Variants in PPP1R9A observed in about 807,000 individuals in gnomAD.
The protein encoded by PPP1R9A is protein phosphatase 1 regulatory subunit 9A.
PPP1R9A carries 59 observed loss-of-function variants against 141.9 expected under a neutral mutation model. The observed-to-expected ratio is 0.42, with a 90% CI of 0.34 to 0.52. The LOEUF is 0.52. Among genes scored for constraint, PPP1R9A ranks in the 20% least tolerant of loss-of-function variants. PPP1R9A has a pLI of 0.10. For synonymous variants in PPP1R9A, 500 were observed against 569.7 expected, an observed-to-expected ratio of 0.88 and a Z score of 1.74; for missense variants, 1,444 against 1,611.9, an observed-to-expected ratio of 0.90 and a Z score of 1.78.
intron 12 of PPP1R9A, among the ~76,000 whole-genome samples, chr7:95,263,255 A>C (rs1800706719): frequency 6.6e-6 from 1 of 152,228 alleles, no homozygotes; most frequent in African/African-American, 2.4e-5. Flanking sequence ...TTAACTACGC[A>C]AGTAATACAT....
In PPP1R9A at chr7:95,069,009, G is replaced by A. The variant is rs559446015; in HGVS notation, c.1396-42250G>A. Among the ~76,000 whole-genome samples, 9 of 152,190 alleles carry A rather than the reference G, an allele frequency of 5.9e-5. No homozygotes were observed. In the East Asian group the frequency reaches 1.2e-3, roughly 20 times the overall value. On this transcript the variant is annotated intron_variant, in intron 2 of 19. Coordinates refer to ENST00000433360, the MANE Select transcript of PPP1R9A (RefSeq NM_001166160.2). Reference sequence around the variant, plus strand: ...TAGTATTTGCATATAACCCACACACGTCCTCCTGTCTACTTTAAACCATCT... The same window carrying A: ...TAGTATTTGCATATAACCCACACACATCCTCCTGTCTACTTTAAACCATCT...
chr7:95,228,599 T>C (rs1051750952), intron 8 of PPP1R9A, among the ~76,000 whole-genome samples: 1 of 152,216 alleles, frequency 6.6e-6, no homozygotes, highest in East Asian at 1.9e-4. Flanking sequence ...ACGTCAATAT[T>C]GATGAGCTAA....
intron 4 of PPP1R9A, among the ~76,000 whole-genome samples, chr7:95,137,676 G>C (rs903057451): frequency 6.6e-6 from 1 of 152,078 alleles, no homozygotes; most frequent in African/African-American, 2.4e-5. Context: ...TCAAACTCTA[G>C]CAGGTTTTTT....
At chr7:95,000,903 A>T (rs1280808961) in intron 2 of PPP1R9A, among the ~76,000 whole-genome samples, 1 of 152,214 alleles carries the variant, frequency 6.6e-6, no homozygotes, top group African/African-American at 2.4e-5. Context: ...AAAGAGAATG[A>T]AAAGGAAATC....
intron 2 of PPP1R9A, among the ~76,000 whole-genome samples, chr7:94,950,726 G>A (rs1344358388): frequency 6.6e-6 from 1 of 151,996 alleles, no homozygotes; most frequent in African/African-American, 2.4e-5. Flanking sequence ...TTTTGTCCAT[G>A]AATTAAAAGG....
At chr7:95,148,055 C>T (rs1036460111) in intron 4 of PPP1R9A, among the ~76,000 whole-genome samples, 21 of 151,850 alleles carry the variant, frequency 1.4e-4, no homozygotes, top group African/African-American at 3.4e-4. Context: ...GTAAAAGCAG[C>T]GCTTTGAGGG....
intron 2 of PPP1R9A, among the ~76,000 whole-genome samples, chr7:95,011,042 C>T (rs1004668118): frequency 6.6e-6 from 1 of 152,086 alleles, no homozygotes; most frequent in Non-Finnish European, 1.5e-5. Flanking sequence ...TACATTTGGC[C>T]TAAGTTTAAG....
In PPP1R9A at chr7:95,066,269, A is replaced by G. The variant is rs79526596; in HGVS notation, c.1396-44990A>G. ...AGGAGAGAGGCCTCAGAAGAAACCT[A>G]CCCTGCCAACACCTTGATCTTGCAT... On this transcript the variant is annotated intron_variant, in intron 2 of 19. Transcript: ENST00000433360. 1.5e-4 allele frequency among the ~76,000 whole-genome samples: 23 copies of G among 152,238 alleles called. No individual in the cohort carries two copies. The East Asian group carries it at 4.4e-3, about 29-fold the overall frequency.
chr7:94,999,241 G>A (rs1379819143), intron 2 of PPP1R9A, among the ~76,000 whole-genome samples: 1 of 152,194 alleles, frequency 6.6e-6, no homozygotes, highest in Non-Finnish European at 1.5e-5. Flanking sequence ...CTTTCACTGT[G>A]TTACTTGGCA....
intron 7 of PPP1R9A, among the ~76,000 whole-genome samples, chr7:95,207,859 C>A (rs901504644): frequency 6.6e-6 from 1 of 152,054 alleles, no homozygotes; most frequent in South Asian, 2.1e-4. Context: ...TTATAAGTTA[C>A]CATTTACAAG....
intron 2 of PPP1R9A, among the ~76,000 whole-genome samples, chr7:95,033,380 T>C (rs1368115409): frequency 6.6e-6 from 1 of 152,062 alleles, no homozygotes; most frequent in Non-Finnish European, 1.5e-5. Flanking sequence ...AGCTATCTTT[T>C]CTTATCAGTT....
At chr7:95,253,525 C>T (rs1441193078) in intron 12 of PPP1R9A, among the ~76,000 whole-genome samples, 1 of 150,308 alleles carries the variant, frequency 6.7e-6, no homozygotes, top group Non-Finnish European at 1.5e-5. Flanking sequence ...AATAGTGCCT[C>T]TTAGGCAGCT....
intron 4 of PPP1R9A, among the ~76,000 whole-genome samples, chr7:95,141,152 G>A (rs1305479135): frequency 6.6e-6 from 1 of 152,044 alleles, no homozygotes; most frequent in Non-Finnish European, 1.5e-5. Flanking sequence ...AGTCAGATAA[G>A]GGACAGATAA....
chr7:94,981,719 CT>C (rs1380284878), intron 2 of PPP1R9A, among the ~76,000 whole-genome samples: 3 of 152,012 alleles, frequency 2.0e-5, no homozygotes, highest in Non-Finnish European at 4.4e-5. Context: ...TATTTCTTGT[CT>C]TTTCACACTA....
At position 95,083,893 on chromosome 7, in the gene PPP1R9A, A is replaced by G. The variant is rs114326347; in HGVS notation, c.1396-27366A>G. ...GAACCCAACCACAAGAAAAATGAAA[A>G]CTACACCAAGTTGCAATCATAATCA... On this transcript the variant is annotated intron_variant, in intron 2 of 19. Coordinates refer to ENST00000433360, the MANE Select transcript of PPP1R9A (RefSeq NM_001166160.2). Among the ~76,000 whole-genome samples the G allele has an allele frequency of 2.3e-3, 346 of 152,104 alleles. 12 individuals are homozygous for G. Among genetic ancestry groups the G allele is most frequent in the African/African-American group, 7.8e-3 (321 of 41,402 alleles).
At chr7:94,980,190 A>T (rs1038203567) in intron 2 of PPP1R9A, among the ~76,000 whole-genome samples, 3 of 151,552 alleles carry the variant, frequency 2.0e-5, no homozygotes, top group African/African-American at 7.3e-5. Context: ...GCTAAAAAAA[A>T]AAAAAAAAAA....
At chr7:94,981,626 C>T (rs1471128210) in intron 2 of PPP1R9A, among the ~76,000 whole-genome samples, 1 of 152,078 alleles carries the variant, frequency 6.6e-6, no homozygotes, top group Middle Eastern at 3.2e-3. Flanking sequence ...TCTTTTCAAC[C>T]TCCAGCTGGT....
chr7:95,108,302 C>CTTTTTTT (rs1819885993), intron 2 of PPP1R9A, among the ~76,000 whole-genome samples: 1 of 68,756 alleles, frequency 1.5e-5, no homozygotes, highest in African/African-American at 5.3e-5. Context: ...TTTTTCGTTT[C>CTTTTTTT]TTTTCTTTTT....
chr7:95,042,351 A>G (rs1246949371), intron 2 of PPP1R9A, among the ~76,000 whole-genome samples: 1 of 152,206 alleles, frequency 6.6e-6, no homozygotes, highest in African/African-American at 2.4e-5. Flanking sequence ...TACTATTTTT[A>G]AAAACTGATA....
Sources: gnomAD v4.1 joint callset for allele counts (sites outside exome capture counted in the v4.1 genomes callset) on GRCh38, gnomAD v4.1.1 for gene constraint, MANE v1.5 for transcripts, NCBI Gene and HGNC (gene_info 2026-07-23, HGNC 2026-07-21) for gene names.